Variants in DPY19L1 observed in about 807,000 individuals in gnomAD.
The protein encoded by DPY19L1 is protein C-mannosyl-transferase DPY19L1.
Under a neutral mutation model 96.9 loss-of-function variants are expected in DPY19L1, and 35 were observed. The observed-to-expected ratio is 0.36, with a 90% confidence interval of 0.28 to 0.48. DPY19L1 has a LOEUF of 0.48. DPY19L1 is among the 20% of genes least tolerant of loss of function. DPY19L1 has a pLI of 0.99. For missense variants in DPY19L1, 521 were observed against 777.9 expected (o/e 0.67, Z 3.93); for synonymous variants, 205 against 252.6 (o/e 0.81, Z 1.79).
intron 3 of DPY19L1, among the ~76,000 whole-genome samples, chr7:35,014,166 A>G (rs1047795956): frequency 3.9e-5 from 6 of 152,178 alleles, no homozygotes; most frequent in Admixed American, 6.5e-5. Flanking sequence ...TTTACATGCA[A>G]AAATGCAAAT....
At chr7:35,033,105 G>A (rs984810381) in intron 1 of DPY19L1, among the ~76,000 whole-genome samples, 1 of 152,152 alleles carries the variant, frequency 6.6e-6, no homozygotes, top group African/African-American at 2.4e-5. Context: ...TAAAACCCAA[G>A]CTCCTTTTCA....
chr7:35,035,915 A>G (rs1786385450), intron 1 of DPY19L1, among the ~76,000 whole-genome samples: 1 of 150,744 alleles, frequency 6.6e-6, no homozygotes, highest in Non-Finnish European at 1.5e-5. Context: ...GATAAAAAAA[A>G]AGGGGGCGGG....
intron 10 of DPY19L1, among the ~76,000 whole-genome samples, chr7:34,959,922 T>TAA (rs1784463674): frequency 1.2e-4 from 7 of 58,324 alleles, no homozygotes; most frequent in Non-Finnish European, 2.1e-4. Context: ...TATATATATA[T>TAA]ATTTATATAT....
At chr7:34,992,543 C>CTTTTT (rs34687334) in intron 6 of DPY19L1, among the ~76,000 whole-genome samples, 1 of 133,844 alleles carries the variant, frequency 7.5e-6, no homozygotes. Context: ...ACCTTCCTGC[C>CTTTTT]TTTTTTTTTT....
chr7:34,966,659 T>C (rs1435790225), intron 10 of DPY19L1, among the ~76,000 whole-genome samples: 2 of 152,222 alleles, frequency 1.3e-5, no homozygotes, highest in Non-Finnish European at 1.5e-5. Flanking sequence ...TCATAAATTA[T>C]TTCTTTTACT....
At chr7:34,995,972 G>C (rs191662960) in intron 6 of DPY19L1, among the ~76,000 whole-genome samples, 5 of 152,106 alleles carry the variant, frequency 3.3e-5, no homozygotes, top group Admixed American at 6.5e-5. Context: ...AGGAAAGAAA[G>C]ATGAGGAATG....
At chr7:35,010,354 A>C (rs1414511534) in intron 6 of DPY19L1, 114 bp downstream of exon 6, 4 of 635,246 alleles carry the variant, frequency 6.3e-6, no homozygotes, top group African/African-American at 5.6e-5. Context: ...TGATAATAAG[A>C]TATTTTAGGA....
In DPY19L1 at chr7:34,929,580, AG is replaced by A. The variant is rs1159889974; in HGVS notation, c.*1992del. On this transcript the variant is annotated 3_prime_UTR_variant, in exon 22 of 22. Transcript: ENST00000638088. The stretch of plus-strand genomic sequence containing the variant: ...GAGAAAAATATAAAATAAATGTAAA[AG>A]TATAATTTTTAAAAATTGTAACTGC... 1.3e-5 allele frequency: 2 copies of A among 152,204 alleles called. No individual in the cohort carries two copies. The highest frequency in any genetic ancestry group is 2.9e-5 in the Non-Finnish European group (2 of 68,026). 9.4% of individuals were successfully genotyped at this position (152,204 alleles called of 1,614,324 possible).
chr7:34,980,147 C>T (rs1395984461), intron 7 of DPY19L1, among the ~76,000 whole-genome samples: 10 of 151,960 alleles, frequency 6.6e-5, no homozygotes, highest in Non-Finnish European at 1.0e-4. Flanking sequence ...TACAATTCAG[C>T]GGGGAAAAAT....
At chr7:35,003,649 G>A (rs1284889394) in intron 6 of DPY19L1, among the ~76,000 whole-genome samples, 2 of 152,204 alleles carry the variant, frequency 1.3e-5, no homozygotes, top group African/African-American at 2.4e-5. Flanking sequence ...TGTCCCTACC[G>A]ACTGAGTCCT....
chr7:34,935,511 G>C (rs1337400054), intron 21 of DPY19L1, among the ~76,000 whole-genome samples: 5 of 152,084 alleles, frequency 3.3e-5, no homozygotes, highest in Non-Finnish European at 7.4e-5. Flanking sequence ...AAATATTTAA[G>C]GAATAATCAA....
intron 3 of DPY19L1, 142 bp from the exon 4 acceptor site, chr7:35,013,847 G>A: frequency 1.8e-6 from 1 of 553,942 alleles, no homozygotes; most frequent in East Asian, 3.4e-5. Context: ...TCTGATCACT[G>A]ATAAATCCTA....
intron 1 of DPY19L1, among the ~76,000 whole-genome samples, chr7:35,031,980 G>C (rs1449014960): frequency 3.3e-5 from 5 of 152,146 alleles, no homozygotes; most frequent in Non-Finnish European, 5.9e-5. Flanking sequence ...GTGTCTGTTT[G>C]AAAGCAAGCA....
chr7:35,011,686 A>G (rs755197193), intron 4 of DPY19L1, among the ~76,000 whole-genome samples: 1 of 152,308 alleles, frequency 6.6e-6, no homozygotes, highest in East Asian at 1.9e-4. Flanking sequence ...AAAGTGCTAA[A>G]TTTATGTTTT....
chr7:34,967,304 G>A (rs1210640842), intron 9 of DPY19L1, among the ~76,000 whole-genome samples: 1 of 152,132 alleles, frequency 6.6e-6, no homozygotes, highest in Admixed American at 6.6e-5. Flanking sequence ...AGATGAAAAT[G>A]TAATTATAAC....
At chr7:35,003,944 C>T (rs926698380) in intron 6 of DPY19L1, among the ~76,000 whole-genome samples, 3 of 152,224 alleles carry the variant, frequency 2.0e-5, no homozygotes, top group South Asian at 2.1e-4. Flanking sequence ...CTTTTCTCTG[C>T]TGTGGCCTGG....
At chr7:35,037,543 G>T (rs1289332787), upstream of DPY19L1, 29 of 313,122 alleles carry the variant, frequency 9.3e-5, no homozygotes, top group Admixed American at 1.4e-3. Flanking sequence ...GGGCCGGGAG[G>T]CGGGGAGATC....
chr7:35,021,504 G>A (rs1584260615), intron 1 of DPY19L1, among the ~76,000 whole-genome samples: 1 of 152,274 alleles, frequency 6.6e-6, no homozygotes, highest in East Asian at 1.9e-4. Flanking sequence ...ACAATGATGA[G>A]AGCAATGGAG....
intron 20 of DPY19L1, 128 bp from the exon 21 acceptor site, chr7:34,938,247 G>C (rs1378636895): frequency 6.6e-5 from 71 of 1,075,766 alleles, no homozygotes; most frequent in Non-Finnish European, 8.9e-5. Flanking sequence ...AATTCCCCAT[G>C]GAAGTTCCCG....
Sources: gnomAD v4.1 joint callset for allele counts (sites outside exome capture counted in the v4.1 genomes callset) on GRCh38, gnomAD v4.1.1 for gene constraint, MANE v1.5 for transcripts, NCBI Gene and HGNC (gene_info 2026-07-23, HGNC 2026-07-21) for gene names.